TRPC5: variants seen among roughly 807,000 people sequenced by gnomAD.
The protein encoded by TRPC5 is transient receptor potential cation channel subfamily C member 5, also known as short transient receptor potential channel 5.
Under a neutral mutation model 56.5 loss-of-function variants are expected in TRPC5, and 9 were observed. That is an observed-to-expected ratio of 0.16 (90% CI 0.10 to 0.28). The LOEUF is 0.28. TRPC5 is among the 10% of genes least tolerant of loss of function. The pLI, the probability that TRPC5 is intolerant of heterozygous loss-of-function variation, is 1.00. For missense variants in TRPC5, 469 were observed against 748.9 expected, an observed-to-expected ratio of 0.63 and a Z score of 4.36; for synonymous variants, 282 against 278.5, an observed-to-expected ratio of 1.01 and a Z score of -0.13.
intron 3 of TRPC5, among the ~76,000 whole-genome samples, chrX:111,866,467 G>GC (rs1355606383): frequency 8.9e-6 from 1 of 112,951 alleles, no homozygotes; most frequent in Non-Finnish European, 1.9e-5. Flanking sequence ...TGCAGTTGTT[G>GC]ATTGTTTTCC....
chrX:111,869,324 TA>T (rs1923655777), intron 3 of TRPC5, among the ~76,000 whole-genome samples: 1 of 111,949 alleles, frequency 8.9e-6, no homozygotes, highest in African/African-American at 3.2e-5. Context: ...TGGCTAGTTT[TA>T]TTTTTTAAAA....
intron 1 of TRPC5, among the ~76,000 whole-genome samples, chrX:112,055,726 G>T (rs1448009356): frequency 2.8e-5 from 3 of 107,981 alleles, no homozygotes; most frequent in Non-Finnish European, 5.7e-5. Context: ...CATATGTTTA[G>T]TTATAAATAT....
chrX:111,898,485 AT>A (rs1280339220), intron 3 of TRPC5, among the ~76,000 whole-genome samples: 1 of 109,095 alleles, frequency 9.2e-6, no homozygotes, highest in Non-Finnish European at 1.9e-5. Context: ...AAGCTTGATA[AT>A]ATTTACTGAA....
chrX:111,998,794 A>G (rs1015500686), intron 1 of TRPC5, among the ~76,000 whole-genome samples: 1 of 110,967 alleles, frequency 9.0e-6, no homozygotes, highest in African/African-American at 3.3e-5. Context: ...ACTGGAACCA[A>G]CTCCCCATGC....
intron 1 of TRPC5, among the ~76,000 whole-genome samples, chrX:112,012,838 G>A (rs1569529553): frequency 1.8e-5 from 2 of 111,485 alleles, no homozygotes; most frequent in African/African-American, 6.5e-5. Context: ...CCAGTTCTAC[G>A]ATCCTAATGA....
intron 7 of TRPC5, among the ~76,000 whole-genome samples, chrX:111,782,806 AACACACACACACACACACACAC>A (rs1186498788): frequency 1.1e-5 from 1 of 92,118 alleles, no homozygotes; most frequent in Non-Finnish European, 2.1e-5. Context: ...CATTATAATC[AACACACACACACACACACACAC>A]ACACACACAC....
At chrX:111,996,381 G>A (rs1277918429) in intron 1 of TRPC5, among the ~76,000 whole-genome samples, 2 of 111,356 alleles carry the variant, frequency 1.8e-5, no homozygotes, top group Non-Finnish European at 3.8e-5. Context: ...TTTTACCTTT[G>A]CTGAGGAGTG....
At chrX:111,895,848 C>T (rs913944314) in intron 3 of TRPC5, 3 of 111,403 alleles carry the variant, frequency 2.7e-5, no homozygotes, top group African/African-American at 9.8e-5. Context: ...TTTATTTATT[C>T]TTATGCATTT....
intron 7 of TRPC5, among the ~76,000 whole-genome samples, chrX:111,825,155 CTTT>C (rs2148572535): frequency 4.2e-5 from 1 of 23,541 alleles, no homozygotes; most frequent in Non-Finnish European, 1.2e-4. Context: ...TCCTTTCTTT[CTTT>C]CTTTCTTTCT....
intron 1 of TRPC5, among the ~76,000 whole-genome samples, chrX:111,992,575 T>A (rs1026457266): frequency 9.4e-6 from 1 of 105,829 alleles, no homozygotes; most frequent in African/African-American, 3.7e-5. Context: ...AATATGGGAA[T>A]TGTTTTTTAA....
At position 112,048,399 on chromosome X, in the gene TRPC5, C is replaced by CAAAAAAAAAAA. The variant is rs58537492; in HGVS notation, c.-22+33469_-22+33479dup. On this transcript the variant is annotated intron_variant, in intron 1 of 10. Transcript: ENST00000262839. ...CTGGCGACAGAGCAAGACTCCGTAT[C>CAAAAAAAAAAA]AAAAAAAAAAAAAAAAAAAAAAAAA... 4.1e-3 allele frequency among the ~76,000 whole-genome samples: 87 copies of CAAAAAAAAAAA among 21,479 alleles called. 2 individuals are homozygous for CAAAAAAAAAAA. The highest frequency in any genetic ancestry group is 6.6e-3 in the Non-Finnish European group (79 of 11,929). 18.7% of individuals were successfully genotyped at this position (21,479 alleles called of 115,157 possible).
At chrX:111,815,830 G>A (rs897588827) in intron 7 of TRPC5, among the ~76,000 whole-genome samples, 15 of 110,783 alleles carry the variant, frequency 1.4e-4, no homozygotes, top group African/African-American at 4.6e-4. Context: ...GTCACCTTCC[G>A]TCTCTCTGTT....
intron 1 of TRPC5, among the ~76,000 whole-genome samples, chrX:112,012,315 G>A (rs1929012153): frequency 1.8e-5 from 2 of 111,859 alleles, no homozygotes; most frequent in African/African-American, 6.5e-5. Flanking sequence ...CCATTTCTTG[G>A]CTATGCCTCA....
At chrX:111,921,894 A>G (rs1385158363) in intron 2 of TRPC5, among the ~76,000 whole-genome samples, 1 of 111,841 alleles carries the variant, frequency 8.9e-6, no homozygotes, top group Non-Finnish European at 1.9e-5. Context: ...CTGTTCAAGG[A>G]TCCTTCTGGA....
At chrX:111,976,612 C>T (rs914601433) in intron 1 of TRPC5, among the ~76,000 whole-genome samples, 16 of 110,928 alleles carry the variant, frequency 1.4e-4, no homozygotes, top group Non-Finnish European at 1.9e-5. Context: ...TGCTATTTAA[C>T]GTAGTACTGA....
At chrX:112,009,557 G>A (rs1928936693) in intron 1 of TRPC5, among the ~76,000 whole-genome samples, 2 of 111,708 alleles carry the variant, frequency 1.8e-5, no homozygotes, top group Admixed American at 1.9e-4. Flanking sequence ...TACTGTTCCT[G>A]CCAAGTTTTA....
chrX:111,803,927 T>C (rs1213539410), intron 7 of TRPC5, among the ~76,000 whole-genome samples: 1 of 112,231 alleles, frequency 8.9e-6, no homozygotes, highest in Non-Finnish European at 1.9e-5. Context: ...TCCTTGCCCA[T>C]GCCTATGTCC....
At chrX:111,851,012 C>T (rs1923069144) in intron 5 of TRPC5, among the ~76,000 whole-genome samples, 1 of 111,755 alleles carries the variant, frequency 8.9e-6, no homozygotes, top group Admixed American at 9.5e-5. Context: ...TGGATTTCAC[C>T]CAGGCACATT....
intron 7 of TRPC5, among the ~76,000 whole-genome samples, chrX:111,809,882 G>GTTT (rs768396316): frequency 1.0e-5 from 1 of 99,160 alleles, no homozygotes; most frequent in African/African-American, 3.7e-5. Context: ...TCTTCATTTT[G>GTTT]TTTTTTTTTT....
Sources: allele counts gnomAD v4.1 joint callset (sites outside exome capture counted in the v4.1 genomes callset), GRCh38; gene constraint gnomAD v4.1.1; transcripts MANE v1.5; gene names NCBI Gene and HGNC (gene_info 2026-07-23, HGNC 2026-07-21).